PCNX2: variants seen among roughly 807,000 people sequenced by gnomAD.
PCNX2 encodes pecanex-like protein 2.
A neutral mutation model predicts 223.8 loss-of-function variants in PCNX2; 168 were observed. The observed-to-expected ratio is 0.75, with a 90% confidence interval of 0.66 to 0.85. PCNX2 has a LOEUF of 0.85. Among genes scored for constraint, PCNX2 ranks in the 40% least tolerant of loss-of-function variants. The pLI is 0.00. For synonymous variants in PCNX2, 1,006 were observed against 1,052.6 expected, an observed-to-expected ratio of 0.96 and a Z score of 0.86; for missense variants, 2,507 against 2,675.5, an observed-to-expected ratio of 0.94 and a Z score of 1.39.
intron 25 of PCNX2, among the ~76,000 whole-genome samples, chr1:233,040,857 T>C (rs1671620650): frequency 6.6e-6 from 1 of 152,196 alleles, no homozygotes; most frequent in Non-Finnish European, 1.5e-5. Context: ...ACCTTAGACT[T>C]TGATTATCAA....
intron 32 of PCNX2, among the ~76,000 whole-genome samples, chr1:232,987,189 C>T (rs568097928): frequency 6.6e-6 from 1 of 152,374 alleles, no homozygotes; most frequent in South Asian, 2.1e-4. Context: ...CCTCGCCCCT[C>T]AGGGGCCCTG....
At chr1:233,057,971 G>A (rs1672253313) in intron 23 of PCNX2, 3 of 984,934 alleles carry the variant, frequency 3.0e-6, no homozygotes, top group South Asian at 4.7e-5. Flanking sequence ...ATGGTGGTGA[G>A]TAGTCAACGT....
intron 9 of PCNX2, among the ~76,000 whole-genome samples, chr1:233,230,587 T>A (rs1658004676): frequency 6.6e-6 from 1 of 152,202 alleles, no homozygotes; most frequent in South Asian, 2.1e-4. Flanking sequence ...AATTTTACCA[T>A]CTCTCCATTG....
At position 233,126,208 on chromosome 1, in the gene PCNX2, TA is replaced by T. The variant is rs5781728; in HGVS notation, c.3837+8804del. On this transcript the variant is annotated intron_variant, in intron 21 of 33. Transcript: ENST00000258229. This position sits in a 1 kb window ranked among gnomAD's most constrained non-coding sequence, Gnocchi z 4.8. ...CTGGGTGACAGGGCAAGACTCCGTC[TA>T]AAAAAAAAAAAAATTATCTTTTGTC... 0.18 allele frequency: 25,978 copies of T among 145,252 alleles called. 2,282 individuals carry two copies. The highest frequency in any genetic ancestry group is 0.23 in the African/African-American group (9,340 of 39,812). The allele number at this position is 145,252 out of a possible 1,614,324, so 9.0% of individuals were successfully genotyped here. A position where few individuals can be genotyped will look rare whatever the true frequency, so the allele number is the denominator to read the frequency against.
At chr1:233,192,205 C>G (rs1469133913) in intron 15 of PCNX2, among the ~76,000 whole-genome samples, 3 of 152,094 alleles carry the variant, frequency 2.0e-5, no homozygotes, top group Non-Finnish European at 2.9e-5. Flanking sequence ...TGTGGGCAGC[C>G]AAGTGACATA....
intron 1 of PCNX2, chr1:233,293,893 T>A: frequency 2.2e-6 from 2 of 922,466 alleles, no homozygotes; most frequent in South Asian, 1.0e-4. Context: ...GACTTTGCTA[T>A]GCTGTCCCTC....
At chr1:232,993,944 A>G (rs1018566215) in intron 32 of PCNX2, among the ~76,000 whole-genome samples, 4 of 152,194 alleles carry the variant, frequency 2.6e-5, no homozygotes, top group Admixed American at 2.6e-4. Context: ...GAACTTTGGG[A>G]ACCTCTGCTT....
At chr1:233,285,131 T>C (rs560819798) in intron 1 of PCNX2, 39 of 452,900 alleles carry the variant, frequency 8.6e-5, no homozygotes, top group Middle Eastern at 1.1e-3. Context: ...AGTGAGAGGA[T>C]TGCTTGAGGC....
intron 23 of PCNX2, among the ~76,000 whole-genome samples, chr1:233,077,459 A>C (rs1275372978): frequency 6.6e-6 from 1 of 152,178 alleles, no homozygotes; most frequent in Non-Finnish European, 1.5e-5. Flanking sequence ...GCTCCTGTTT[A>C]CCAGTGATAA....
intron 21 of PCNX2, among the ~76,000 whole-genome samples, chr1:233,102,235 A>C (rs899562788): frequency 3.3e-5 from 5 of 152,076 alleles, no homozygotes; most frequent in Admixed American, 1.3e-4. Context: ...TGGTTGAATA[A>C]ATTCCATTGT....
chr1:233,060,960 C>T (rs890399761), intron 23 of PCNX2, among the ~76,000 whole-genome samples: 1 of 152,166 alleles, frequency 6.6e-6, no homozygotes, highest in African/African-American at 2.4e-5. Context: ...GCCTTTCCAC[C>T]CCATGGCCAG....
chr1:233,070,759 A>G (rs1672818573), intron 23 of PCNX2, among the ~76,000 whole-genome samples: 1 of 152,106 alleles, frequency 6.6e-6, no homozygotes, highest in African/African-American at 2.4e-5. Flanking sequence ...ACAGCTGGCC[A>G]GGCACAGTGG....
chr1:233,233,637 C>T (rs148735500), intron 9 of PCNX2, among the ~76,000 whole-genome samples: 1 of 152,036 alleles, frequency 6.6e-6, no homozygotes, highest in Admixed American at 6.6e-5. Context: ...TTAGAGCCTG[C>T]AGAATTCCAT....
At chr1:233,136,418 G>A (rs1676804007) in intron 20 of PCNX2, among the ~76,000 whole-genome samples, 1 of 152,160 alleles carries the variant, frequency 6.6e-6, no homozygotes, top group Admixed American at 6.5e-5. Context: ...AAAATACAAT[G>A]TTGGAAATTC....
chr1:233,047,764 A>T (rs2102867256), intron 25 of PCNX2, among the ~76,000 whole-genome samples: 2 of 152,192 alleles, frequency 1.3e-5, no homozygotes, highest in East Asian at 3.9e-4. Context: ...ATTATGGTGG[A>T]GGACTTCAAC....
intron 15 of PCNX2, among the ~76,000 whole-genome samples, chr1:233,184,315 G>A (rs200471545): frequency 6.6e-6 from 1 of 151,980 alleles, no homozygotes; most frequent in East Asian, 1.9e-4. Flanking sequence ...TCTGTGGAAG[G>A]CACTTAATTT....
In PCNX2 at chr1:232,990,150, C is replaced by T. The variant is rs2057306; in HGVS notation, c.5792-3610G>A. Among the ~76,000 whole-genome samples, 39,119 of 152,146 alleles carry T rather than the reference C, an allele frequency of 0.26. 5,288 individuals are homozygous for T. Among genetic ancestry groups the T allele is most frequent in the African/African-American group, 0.34 (14,294 of 41,514 alleles). On this transcript the variant is annotated intron_variant, in intron 32 of 33. Transcript: ENST00000258229. This position sits in a 1 kb window ranked among gnomAD's most constrained non-coding sequence, Gnocchi z 4.3. ...GAGACTGAAATCAAATCCAGTTATC[C>T]TCACATCCCTGAAGGGAATGATGGC...
rs368017178 is a variant in PCNX2, at chr1:233,014,660, G to C, written c.4952+5C>G. 1.3e-5 allele frequency: 21 copies of C among 1,612,466 alleles called. No individual in the cohort carries two copies. The African/African-American group carries it at 2.7e-4, about 21-fold the overall frequency. On this transcript the variant is annotated splice_donor_5th_base_variant and intron_variant, in intron 28 of 33. Coordinates refer to ENST00000258229, the MANE Select transcript of PCNX2 (RefSeq NM_014801.4). ...TAAGAGATTCTAACTTCTCCCCCCA[G>C]GTACCTGATGGCCATATTGTGAGCG...
intron 12 of PCNX2, among the ~76,000 whole-genome samples, 196 bp from the exon 13 acceptor site, chr1:233,208,885 T>C (rs1681665242): frequency 6.7e-6 from 1 of 148,250 alleles, no homozygotes; most frequent in African/African-American, 2.5e-5. Flanking sequence ...AAAGTCTGAT[T>C]CTTATTCTGT....
Sources: gnomAD v4.1 joint callset for allele counts (sites outside exome capture counted in the v4.1 genomes callset) on GRCh38, gnomAD v4.1.1 for gene constraint, Gnocchi (gnomAD v3.1) non-coding constraint, MANE v1.5 for transcripts, NCBI Gene and HGNC (gene_info 2026-07-23, HGNC 2026-07-21) for gene names.